Variants in PEAK1 observed in about 807,000 individuals in gnomAD.
The protein encoded by PEAK1 is inactive tyrosine-protein kinase PEAK1.
A neutral mutation model predicts 124.7 loss-of-function variants in PEAK1; 54 were observed. That is an observed-to-expected ratio of 0.43 (90% CI 0.35 to 0.54). The LOEUF is 0.54. Ranked by LOEUF, PEAK1 falls within the 20% of genes least tolerant of loss-of-function variation. The probability of loss-of-function intolerance (pLI) is 0.01; values close to 1 mark genes in which losing one functional copy is unlikely to be tolerated. For missense variants in PEAK1, 2,046 were observed against 2,134.5 expected, an observed-to-expected ratio of 0.96 and a Z score of 0.82; for synonymous variants, 719 against 760.0, an observed-to-expected ratio of 0.95 and a Z score of 0.89.
At chr15:77,300,143 C>T (rs1002597259) in intron 2 of PEAK1, among the ~76,000 whole-genome samples, 2 of 152,160 alleles carry the variant, frequency 1.3e-5, no homozygotes, top group Non-Finnish European at 2.9e-5. Context: ...CTTCCTGGGC[C>T]CTGTCTTAAA....
intron 2 of PEAK1, chr15:77,335,244 A>G (rs1205831175): frequency 1.0e-6 from 1 of 985,292 alleles, no homozygotes; most frequent in African/African-American, 1.7e-5. Context: ...CTCCTCAATT[A>G]CTTCTTTCAT....
intron 6 of PEAK1, among the ~76,000 whole-genome samples, chr15:77,225,628 G>GGTGTGT (rs1567136619): frequency 1.0e-5 from 1 of 95,890 alleles, no homozygotes; most frequent in Admixed American, 1.1e-4. Context: ...ACTTTCTACA[G>GGTGTGT]ATGTGTGTGT....
At chr15:77,383,385 T>C (rs549191851) in intron 1 of PEAK1, among the ~76,000 whole-genome samples, 3 of 152,290 alleles carry the variant, frequency 2.0e-5, no homozygotes, top group Admixed American at 1.3e-4. Flanking sequence ...AAATCTGCCT[T>C]GAGAAGAAAC....
chr15:77,324,584 T>G (rs1416697725), intron 2 of PEAK1, among the ~76,000 whole-genome samples: 1 of 152,170 alleles, frequency 6.6e-6, no homozygotes, highest in African/African-American at 2.4e-5. Flanking sequence ...AAGAGGTATA[T>G]TTGGCTTATA....
chr15:77,149,163 T>C (rs2054389980), intron 8 of PEAK1, among the ~76,000 whole-genome samples: 1 of 152,166 alleles, frequency 6.6e-6, no homozygotes, highest in Non-Finnish European at 1.5e-5. Context: ...TATAGAAACC[T>C]AAATCCCATG....
intron 2 of PEAK1, among the ~76,000 whole-genome samples, chr15:77,315,682 T>C (rs537556589): frequency 2.0e-5 from 3 of 151,310 alleles, no homozygotes; most frequent in Non-Finnish European, 3.0e-5. Context: ...ATTATATATG[T>C]ACAGGAAAAA....
intron 6 of PEAK1, among the ~76,000 whole-genome samples, chr15:77,220,520 CAAA>C (rs34013493): frequency 1.3e-5 from 1 of 76,812 alleles, no homozygotes; most frequent in African/African-American, 4.0e-5. Context: ...AGCTAAAATT[CAAA>C]AAAAAAAAAA....
At chr15:77,341,640 A>G (rs1428988289) in intron 2 of PEAK1, among the ~76,000 whole-genome samples, 2 of 152,218 alleles carry the variant, frequency 1.3e-5, no homozygotes, top group Non-Finnish European at 2.9e-5. Context: ...AGGCTGGCCT[A>G]AAGTCCCAAC....
At chr15:77,297,429 G>A (rs1227753300) in intron 2 of PEAK1, among the ~76,000 whole-genome samples, 1 of 151,798 alleles carries the variant, frequency 6.6e-6, no homozygotes, top group Non-Finnish European at 1.5e-5. Context: ...CACTTCAGCT[G>A]ACATAACAGC....
chr15:77,327,993 T>C (rs968753593), intron 2 of PEAK1, among the ~76,000 whole-genome samples: 2 of 152,152 alleles, frequency 1.3e-5, no homozygotes, highest in African/African-American at 2.4e-5. Context: ...ATAATAGCAG[T>C]AGCTCAACTC....
intron 7 of PEAK1, among the ~76,000 whole-genome samples, chr15:77,170,653 T>C (rs1652262336): frequency 6.6e-6 from 1 of 152,200 alleles, no homozygotes; most frequent in Non-Finnish European, 1.5e-5. Flanking sequence ...GGTCAACTCC[T>C]ATTGCTAGAT....
chr15:77,264,733 T>G (rs1322711141), intron 5 of PEAK1, among the ~76,000 whole-genome samples: 1 of 152,098 alleles, frequency 6.6e-6, no homozygotes, highest in Non-Finnish European at 1.5e-5. Context: ...ATGACTTTCT[T>G]CACAGAATTG....
intron 2 of PEAK1, chr15:77,351,033 TCAAA>T: frequency 1.2e-6 from 1 of 816,656 alleles, no homozygotes; most frequent in Non-Finnish European, 1.5e-6. Context: ...CCATGCTGAA[TCAAA>T]TCAGCCCCTG....
At chr15:77,228,375 A>G (rs1470082710) in intron 6 of PEAK1, among the ~76,000 whole-genome samples, 1 of 152,192 alleles carries the variant, frequency 6.6e-6, no homozygotes, top group Non-Finnish European at 1.5e-5. Context: ...CATCAAAGAT[A>G]TGAGTTGACA....
At chr15:77,350,789 G>T in intron 2 of PEAK1, 1 of 980,474 alleles carries the variant, frequency 1.0e-6, no homozygotes, top group East Asian at 1.1e-4. Flanking sequence ...AACCTATTTT[G>T]TTTTTTATTC....
At chr15:77,213,086 T>C (rs1046985809) in intron 6 of PEAK1, among the ~76,000 whole-genome samples, 4 of 152,204 alleles carry the variant, frequency 2.6e-5, no homozygotes, top group African/African-American at 9.6e-5. Context: ...GAAAGCAGTA[T>C]GTTTGCAGTC....
At chr15:77,256,295 T>C (rs1471396134) in intron 5 of PEAK1, among the ~76,000 whole-genome samples, 1 of 152,120 alleles carries the variant, frequency 6.6e-6, no homozygotes, top group Admixed American at 6.6e-5. Context: ...ACTCAGACAC[T>C]ATAAATGATT....
At chr15:77,292,405 A>G (rs2063267959) in intron 2 of PEAK1, among the ~76,000 whole-genome samples, 1 of 152,166 alleles carries the variant, frequency 6.6e-6, no homozygotes, top group African/African-American at 2.4e-5. Flanking sequence ...TTGCATAGAT[A>G]TATCACAGCT....
At chr15:77,249,978 A>AT (rs1405646738) in intron 6 of PEAK1, among the ~76,000 whole-genome samples, 4 of 151,398 alleles carry the variant, frequency 2.6e-5, no homozygotes, top group African/African-American at 9.7e-5. Context: ...AACAAAAAAA[A>AT]TTTTTTTTAA....
Sources: gnomAD v4.1 joint callset for allele counts (sites outside exome capture counted in the v4.1 genomes callset) on GRCh38, gnomAD v4.1.1 for gene constraint, MANE v1.5 for transcripts, NCBI Gene and HGNC (gene_info 2026-07-23, HGNC 2026-07-21) for gene names.